MLLT3: variants seen among roughly 807,000 people sequenced by gnomAD.
MLLT3 encodes the protein MLLT3 super elongation complex subunit.
In MLLT3, 4 loss-of-function variants were observed where a neutral mutation model predicts 53.2. The ratio of observed to expected loss-of-function variants is 0.08; its 90% confidence interval spans 0.04 to 0.17. The LOEUF is 0.17. Ranked by LOEUF, MLLT3 falls within the 10% of genes least tolerant of loss-of-function variation. MLLT3 has a pLI of 1.00. For missense variants in MLLT3, 569 were observed against 684.0 expected, an observed-to-expected ratio of 0.83 and a Z score of 1.87; for synonymous variants, 283 against 230.6, an observed-to-expected ratio of 1.23 and a Z score of -2.06.
intron 2 of MLLT3, among the ~76,000 whole-genome samples, chr9:20,573,891 T>C (rs1819591843): frequency 1.3e-5 from 2 of 152,196 alleles, no homozygotes; most frequent in African/African-American, 4.8e-5. Context: ...ACAAGACAGA[T>C]CAAGTTACTT....
chr9:20,453,666 A>G (rs1823893157), intron 3 of MLLT3, among the ~76,000 whole-genome samples: 1 of 152,206 alleles, frequency 6.6e-6, no homozygotes, highest in African/African-American at 2.4e-5. Context: ...ATGCTCTTAT[A>G]CTAAATACAT....
intron 2 of MLLT3, among the ~76,000 whole-genome samples, chr9:20,567,304 TAAAAAAAAA>T (rs35505450): frequency 1.3e-5 from 1 of 79,974 alleles, no homozygotes; most frequent in African/African-American, 4.8e-5. Flanking sequence ...CTATATTCAG[TAAAAAAAAA>T]AAAAAAAAAA....
chr9:20,512,325 T>C (rs1434169443), intron 2 of MLLT3, among the ~76,000 whole-genome samples: 1 of 152,170 alleles, frequency 6.6e-6, no homozygotes, highest in East Asian at 1.9e-4. Flanking sequence ...GAATCAGCAA[T>C]ATCAGATGCC....
At chr9:20,594,864 G>T (rs1042460926) in intron 2 of MLLT3, among the ~76,000 whole-genome samples, 4 of 152,130 alleles carry the variant, frequency 2.6e-5, no homozygotes, top group Admixed American at 6.5e-5. Flanking sequence ...AAAAGGAGAG[G>T]AACCCTCAGT....
At chr9:20,396,069 C>T (rs947384545) in intron 5 of MLLT3, among the ~76,000 whole-genome samples, 4 of 151,966 alleles carry the variant, frequency 2.6e-5, no homozygotes, top group African/African-American at 7.3e-5. Context: ...CTAATACATA[C>T]GAATACAGCA....
chr9:20,350,465 G>C (rs1202102075), intron 10 of MLLT3, among the ~76,000 whole-genome samples: 7 of 150,880 alleles, frequency 4.6e-5, no homozygotes, highest in Non-Finnish European at 8.8e-5. Flanking sequence ...CGTGGTGGCG[G>C]GCGCCTGTAG....
chr9:20,551,826 C>T (rs1359281822), intron 2 of MLLT3, among the ~76,000 whole-genome samples: 1 of 152,086 alleles, frequency 6.6e-6, no homozygotes, highest in Non-Finnish European at 1.5e-5. Flanking sequence ...TAACATTACA[C>T]CCTATAGACA....
At chr9:20,528,469 C>T (rs1446089578) in intron 2 of MLLT3, among the ~76,000 whole-genome samples, 1 of 152,212 alleles carries the variant, frequency 6.6e-6, no homozygotes, top group African/African-American at 2.4e-5. Flanking sequence ...AAACGTATTT[C>T]CCCACAGTTC....
chr9:20,429,755 C>T (rs904913056), intron 4 of MLLT3, among the ~76,000 whole-genome samples: 2 of 152,036 alleles, frequency 1.3e-5, no homozygotes, highest in African/African-American at 4.8e-5. Context: ...AAAATGAAAA[C>T]AAACAAAATT....
chr9:20,503,034 T>A (rs1027199237), intron 2 of MLLT3, among the ~76,000 whole-genome samples: 1 of 152,004 alleles, frequency 6.6e-6, no homozygotes, highest in African/African-American at 2.4e-5. Context: ...CTATAAAAGA[T>A]TGATGAAAAA....
chr9:20,515,350 T>C (rs891712478), intron 2 of MLLT3, among the ~76,000 whole-genome samples: 1 of 152,222 alleles, frequency 6.6e-6, no homozygotes. Context: ...GCCTGAAGTT[T>C]GGCCAAGTTT....
chr9:20,549,823 C>T (rs914224877), intron 2 of MLLT3, among the ~76,000 whole-genome samples: 10 of 152,302 alleles, frequency 6.6e-5, no homozygotes, highest in South Asian at 6.2e-4. Flanking sequence ...AAGATCTTTG[C>T]GCAGTGATCC....
chr9:20,594,485 G>A (rs1355091422), intron 2 of MLLT3, among the ~76,000 whole-genome samples: 2 of 152,190 alleles, frequency 1.3e-5, no homozygotes, highest in East Asian at 3.9e-4. Context: ...AGGGAGGGGG[G>A]CAATATGTCA....
intron 7 of MLLT3, chr9:20,362,898 A>T (rs531266003): frequency 6.6e-6 from 1 of 152,302 alleles, no homozygotes; most frequent in South Asian, 2.1e-4. Flanking sequence ...TAAAATCCTC[A>T]GGGCAATTTC....
In MLLT3 at chr9:20,342,830, A is replaced by ATG. The variant is rs140353021; in HGVS notation, c.*3611_*3612dup. On this transcript the variant is annotated 3_prime_UTR_variant, in exon 11 of 11. Coordinates refer to ENST00000380338, the MANE Select transcript of MLLT3 (RefSeq NM_004529.4). Reference sequence around the variant, plus strand: ...AAGCAAGATTACTCTGATAATATATATGTGTATATATATATATATATGTAT... The same window carrying ATG: ...AAGCAAGATTACTCTGATAATATATATGTGTGTATATATATATATATATGTAT... 1,299 of 145,552 alleles carry ATG rather than the reference A, an allele frequency of 8.9e-3. 17 individuals are homozygous for ATG. Among genetic ancestry groups the ATG allele is most frequent in the African/African-American group, 0.049 (1,110 of 22,516 alleles). 9.0% of individuals were successfully genotyped at this position (145,552 alleles called of 1,614,324 possible). A position where few individuals can be genotyped will look rare whatever the true frequency, so the allele number is the denominator to read the frequency against.
chr9:20,504,220 T>C (rs1825325104), intron 2 of MLLT3, among the ~76,000 whole-genome samples: 1 of 152,090 alleles, frequency 6.6e-6, no homozygotes, highest in South Asian at 2.1e-4. Context: ...AAACCAGTAT[T>C]TCAAAAAGAT....
intron 2 of MLLT3, among the ~76,000 whole-genome samples, chr9:20,601,836 G>T (rs1563838970): frequency 6.6e-6 from 1 of 151,822 alleles, no homozygotes; most frequent in Non-Finnish European, 1.5e-5. Flanking sequence ...GCACCAAATT[G>T]TCAAATCACA....
intron 4 of MLLT3, among the ~76,000 whole-genome samples, chr9:20,445,326 A>G (rs1316582038): frequency 1.3e-5 from 2 of 152,166 alleles, no homozygotes; most frequent in Non-Finnish European, 2.9e-5. Context: ...TCACAGAAAA[A>G]CACAGGGTAT....
intron 5 of MLLT3, among the ~76,000 whole-genome samples, chr9:20,366,104 G>T (rs1011120162): frequency 1.3e-5 from 2 of 152,080 alleles, no homozygotes; most frequent in African/African-American, 4.8e-5. Flanking sequence ...GAACATGCAG[G>T]TGTGTTACAT....
Sources: allele counts gnomAD v4.1 joint callset (sites outside exome capture counted in the v4.1 genomes callset), GRCh38; gene constraint gnomAD v4.1.1; transcripts MANE v1.5; gene names NCBI Gene and HGNC (gene_info 2026-07-23, HGNC 2026-07-21).